Variants in ROR1 observed in about 807,000 individuals in gnomAD.
ROR1 encodes the protein inactive tyrosine-protein kinase transmembrane receptor ROR1.
ROR1 carries 19 observed loss-of-function variants against 78.8 expected under a neutral mutation model. That is an observed-to-expected ratio of 0.24 (90% confidence interval 0.17 to 0.35). The LOEUF is 0.35. Among genes scored for constraint, ROR1 ranks in the 10% least tolerant of loss-of-function variants. The pLI, the probability that ROR1 is intolerant of heterozygous loss-of-function variation, is 1.00. For missense variants in ROR1, 917 were observed against 1,177.8 expected, an observed-to-expected ratio of 0.78 and a Z score of 3.24; for synonymous variants, 386 against 433.6, an observed-to-expected ratio of 0.89 and a Z score of 1.36.
chr1:63,911,950 C>T (rs76868931), intron 1 of ROR1, among the ~76,000 whole-genome samples: 3,578 of 152,014 alleles, frequency 0.024, 145 homozygotes, highest in African/African-American at 0.081. Context: ...TCACCTGCCA[C>T]GTGTGTGTGG....
rs116662471 is a variant in ROR1 at position 63,870,627 on chromosome 1, C to T, written c.91+96119C>T. Among the ~76,000 whole-genome samples, 1,347 of 152,270 alleles carry T rather than the reference C, an allele frequency of 8.8e-3. 23 individuals are homozygous for T. The highest frequency in any genetic ancestry group is 0.031 in the African/African-American group (1,284 of 41,556). On this transcript the variant is annotated intron_variant, in intron 1 of 8. Transcript: ENST00000371079. The stretch of plus-strand genomic sequence containing the variant: ...TAGCAGTTTGGTGTATTCTGGAATG[C>T]TCTTGACTTGGGCTGAATGTGTCTG...
chr1:64,116,498 C>G (rs1273848576), intron 4 of ROR1, among the ~76,000 whole-genome samples: 2 of 152,040 alleles, frequency 1.3e-5, no homozygotes, highest in African/African-American at 2.4e-5. Context: ...AGCTCTTTTA[C>G]GAAAGGAATA....
intron 1 of ROR1, among the ~76,000 whole-genome samples, chr1:63,990,927 G>A (rs1257645498): frequency 6.6e-6 from 1 of 152,102 alleles, no homozygotes; most frequent in Non-Finnish European, 1.5e-5. Context: ...ATGTATAAAT[G>A]AAAAACTCTG....
chr1:64,085,411 A>G (rs1027695727), intron 4 of ROR1, among the ~76,000 whole-genome samples: 2 of 152,176 alleles, frequency 1.3e-5, no homozygotes, highest in African/African-American at 4.8e-5. Flanking sequence ...TGCAGAGCCA[A>G]CAATGGCATT....
At chr1:63,868,895 T>C (rs999275853) in intron 1 of ROR1, among the ~76,000 whole-genome samples, 4 of 152,238 alleles carry the variant, frequency 2.6e-5, no homozygotes, top group African/African-American at 9.6e-5. Context: ...AATAGGCACT[T>C]ATTTTGCATC....
intron 1 of ROR1, among the ~76,000 whole-genome samples, chr1:63,882,083 C>T (rs781317657): frequency 3.3e-5 from 5 of 152,260 alleles, no homozygotes; most frequent in South Asian, 2.1e-4. Context: ...GCATCACAGG[C>T]GGTTGAAACT....
chr1:63,877,413 CGTT>C (rs1164975238), intron 1 of ROR1, among the ~76,000 whole-genome samples: 1 of 152,168 alleles, frequency 6.6e-6, no homozygotes, highest in African/African-American at 2.4e-5. Flanking sequence ...CATCACCTGA[CGTT>C]GTAATAATTG....
intron 1 of ROR1, among the ~76,000 whole-genome samples, chr1:63,945,373 C>T (rs1374020600): frequency 6.6e-6 from 1 of 152,072 alleles, no homozygotes; most frequent in African/African-American, 2.4e-5. Context: ...TATTATTTTC[C>T]ATTTCATTGC....
intron 8 of ROR1, among the ~76,000 whole-genome samples, chr1:64,163,965 T>C (rs1271544849): frequency 1.3e-5 from 2 of 152,226 alleles, no homozygotes; most frequent in South Asian, 2.1e-4. Context: ...TTTAATCCAG[T>C]GACCTTTGCC....
chr1:63,967,637 C>T (rs574128226), intron 1 of ROR1, among the ~76,000 whole-genome samples: 17 of 152,148 alleles, frequency 1.1e-4, no homozygotes, highest in Non-Finnish European at 2.2e-4. Flanking sequence ...GAAGATGTTC[C>T]GTTGGCACTG....
intron 1 of ROR1, among the ~76,000 whole-genome samples, chr1:63,793,989 T>A (rs1231931047): frequency 6.6e-6 from 1 of 152,146 alleles, no homozygotes; most frequent in Non-Finnish European, 1.5e-5. Context: ...TAGATAGAAC[T>A]GCCGCTAATG....
At chr1:63,975,822 G>A (rs1460927691) in intron 1 of ROR1, among the ~76,000 whole-genome samples, 1 of 152,114 alleles carries the variant, frequency 6.6e-6, no homozygotes, top group Non-Finnish European at 1.5e-5. Context: ...AGGGGAGAGA[G>A]GCTCCCATCA....
At chr1:64,146,437 C>T (rs1649475871) in intron 7 of ROR1, among the ~76,000 whole-genome samples, 1 of 152,198 alleles carries the variant, frequency 6.6e-6, no homozygotes, top group Non-Finnish European at 1.5e-5. Flanking sequence ...GATCGCACCA[C>T]TGCACTCCAG....
chr1:63,944,372 G>C (rs553299800), intron 1 of ROR1, among the ~76,000 whole-genome samples: 2 of 152,176 alleles, frequency 1.3e-5, no homozygotes, highest in African/African-American at 4.8e-5. Flanking sequence ...TTTAGGGTGC[G>C]GAAAGAGATC....
intron 1 of ROR1, among the ~76,000 whole-genome samples, chr1:63,878,859 G>A (rs1026148135): frequency 2.0e-5 from 3 of 152,122 alleles, no homozygotes; most frequent in Admixed American, 1.3e-4. Flanking sequence ...AACTTCAGGA[G>A]AGTGCAGACC....
At chr1:64,071,131 C>G (rs1180409241) in intron 4 of ROR1, among the ~76,000 whole-genome samples, 2 of 152,178 alleles carry the variant, frequency 1.3e-5, no homozygotes, top group African/African-American at 4.8e-5. Context: ...GGAAGTATGA[C>G]TTCAGGTTAG....
At chr1:63,804,685 T>A (rs1644817394) in intron 1 of ROR1, among the ~76,000 whole-genome samples, 1 of 152,234 alleles carries the variant, frequency 6.6e-6, no homozygotes, top group African/African-American at 2.4e-5. Context: ...GTAGGTTTGT[T>A]ACATAGGTAT....
intron 4 of ROR1, among the ~76,000 whole-genome samples, chr1:64,132,816 T>TC (rs1648970039): frequency 7.0e-6 from 1 of 142,320 alleles, no homozygotes; most frequent in Non-Finnish European, 1.5e-5. Flanking sequence ...ACTGAAATTA[T>TC]CCCCAAAAAG....
chr1:64,042,782 T>TA (rs199566804), intron 2 of ROR1, among the ~76,000 whole-genome samples: 3,397 of 152,338 alleles, frequency 0.022, 49 homozygotes, highest in South Asian at 0.034. Flanking sequence ...TTTATTAAGA[T>TA]AAAAAATATT....
Sources: gnomAD v4.1 joint callset for allele counts (sites outside exome capture counted in the v4.1 genomes callset) on GRCh38, gnomAD v4.1.1 for gene constraint, MANE v1.5 for transcripts, NCBI Gene and HGNC (gene_info 2026-07-23, HGNC 2026-07-21) for gene names.